Variants in ADGRL3 observed in about 807,000 individuals in gnomAD.
The protein encoded by ADGRL3 is adhesion G protein-coupled receptor L3.
In ADGRL3, 62 loss-of-function variants were observed where a neutral mutation model predicts 153.5. The ratio of observed to expected loss-of-function variants is 0.40; its 90% CI spans 0.33 to 0.50. The LOEUF is 0.50. Among genes scored for constraint, ADGRL3 ranks in the 20% least tolerant of loss-of-function variants. ADGRL3 has a pLI of 0.47. For missense variants in ADGRL3, 1,641 were observed against 1,859.4 expected (o/e 0.88, Z 2.16); for synonymous variants, 710 against 672.5 (o/e 1.06, Z -0.86).
intron 5 of ADGRL3, among the ~76,000 whole-genome samples, chr4:61,612,839 G>A (rs537856149): frequency 1.5e-4 from 23 of 152,222 alleles, no homozygotes; most frequent in Non-Finnish European, 2.2e-4. Context: ...AACCCATTGA[G>A]CATAAGATTG....
intron 9 of ADGRL3, among the ~76,000 whole-genome samples, chr4:61,873,158 G>A (rs776180418): frequency 8.5e-5 from 13 of 152,202 alleles, no homozygotes; most frequent in Non-Finnish European, 1.6e-4. Context: ...ATCAAATGGA[G>A]TGTCAATGAA....
At position 61,546,442 on chromosome 4, in the gene ADGRL3, G is replaced by A. The variant is rs148900229; in HGVS notation, c.259+28924G>A. Among the ~76,000 whole-genome samples the A allele has an allele frequency of 1.5e-3, 223 of 152,172 alleles. 1 individual carries two copies. Among genetic ancestry groups the A allele is most frequent in the African/African-American group, 5.1e-3 (211 of 41,520 alleles). On this transcript the variant is annotated intron_variant, in intron 4 of 26. Transcript: ENST00000683033. ...GTATAATCTTACAGTTAAATAGACT[G>A]CAATATAAGGAAATATAATAACTAC...
chr4:61,359,850 TTAAA>T (rs1465005483), intron 1 of ADGRL3, among the ~76,000 whole-genome samples: 3 of 152,204 alleles, frequency 2.0e-5, no homozygotes, highest in African/African-American at 7.2e-5. Flanking sequence ...GTTGAATTAA[TTAAA>T]TATTCATTGA....
intron 13 of ADGRL3, among the ~76,000 whole-genome samples, chr4:61,928,141 A>G (rs1159698759): frequency 6.6e-6 from 1 of 151,828 alleles, no homozygotes; most frequent in Non-Finnish European, 1.5e-5. Context: ...AAGTGGAAGT[A>G]GAGTAAAATA....
At chr4:61,508,510 A>T (rs895384551) in intron 3 of ADGRL3, among the ~76,000 whole-genome samples, 16 of 152,206 alleles carry the variant, frequency 1.1e-4, no homozygotes, top group African/African-American at 3.6e-4. Flanking sequence ...AGAGGTTTTT[A>T]AAAATTTTTT....
At chr4:61,527,951 C>G (rs926841532) in intron 4 of ADGRL3, among the ~76,000 whole-genome samples, 1 of 152,132 alleles carries the variant, frequency 6.6e-6, no homozygotes, top group Admixed American at 6.5e-5. Context: ...CGTTCTCTCA[C>G]CACCATGCCC....
intron 17 of ADGRL3, among the ~76,000 whole-genome samples, chr4:61,961,730 G>A (rs2098988554): frequency 6.6e-6 from 1 of 152,046 alleles, no homozygotes; most frequent in African/African-American, 2.4e-5. Context: ...TTGAGGAGGG[G>A]AATTGACACC....
chr4:61,257,384 C>T (rs1016232251), intron 1 of ADGRL3, among the ~76,000 whole-genome samples: 3 of 152,108 alleles, frequency 2.0e-5, no homozygotes, highest in Non-Finnish European at 4.4e-5. Context: ...AAAACAATAG[C>T]TTTAACATAA....
intron 6 of ADGRL3, among the ~76,000 whole-genome samples, chr4:61,687,757 TAATGGGATG>T (rs1490831645): frequency 1.3e-5 from 2 of 152,018 alleles, no homozygotes; most frequent in African/African-American, 4.8e-5. Flanking sequence ...CATGTTAGAT[TAATGGGATG>T]AATAAATGTA....
intron 1 of ADGRL3, among the ~76,000 whole-genome samples, chr4:61,332,708 T>G (rs1396517924): frequency 6.6e-6 from 1 of 152,152 alleles, no homozygotes; most frequent in Non-Finnish European, 1.5e-5. Context: ...ACAAGGATGT[T>G]TGCTGGTCAA....
rs1299182443 is a variant in ADGRL3, at chr4:61,456,410, T to TAG, written c.-173-40710_-173-40709insGA. The stretch of plus-strand genomic sequence containing the variant: ...ATATAGATATATCTATATCTATATA[T>TAG]ATATAGATATATCTATATCTATATA... On this transcript the variant is annotated intron_variant, in intron 2 of 26. Transcript: ENST00000683033. 2.0e-4 allele frequency among the ~76,000 whole-genome samples: 11 copies of TAG among 55,432 alleles called. 1 individual carries two copies. Among genetic ancestry groups the TAG allele is most frequent in the East Asian group, 7.7e-4 (1 of 1,292 alleles). The allele number at this position is 55,432 out of a possible 152,430, so 36.4% of individuals were successfully genotyped here.
Position 62,073,965 on chromosome 4 carries a change from TG to T in ADGRL3, c.*3058del, listed in dbSNP as rs1170085771. On this transcript the variant is annotated 3_prime_UTR_variant, in exon 27 of 27. Transcript: ENST00000683033. ...TTTTACATACATTTCAATAGAAATTTGCATATATCTAACATATTCATTTTGT... is the reference window on the plus strand; with the variant it reads ...TTTTACATACATTTCAATAGAAATTTCATATATCTAACATATTCATTTTGT... The T allele has an allele frequency of 6.6e-6, 1 of 152,178 alleles. No individual in the cohort carries two copies. Among genetic ancestry groups the T allele is most frequent in the African/African-American group, 2.4e-5 (1 of 41,452 alleles). The allele number at this position is 152,178 out of a possible 1,614,324, so 9.4% of individuals were successfully genotyped here. A position where few individuals can be genotyped will look rare whatever the true frequency, so the allele number is the denominator to read the frequency against.
chr4:61,816,856 T>A (rs1580973578), intron 9 of ADGRL3, among the ~76,000 whole-genome samples: 1 of 152,118 alleles, frequency 6.6e-6, no homozygotes. Context: ...GACCCAGCCA[T>A]CCCTGAGCTC....
intron 9 of ADGRL3, among the ~76,000 whole-genome samples, chr4:61,814,969 A>G (rs577545499): frequency 2.6e-5 from 4 of 152,042 alleles, no homozygotes; most frequent in Non-Finnish European, 5.9e-5. Context: ...TGTCATATTT[A>G]TTATTTTTCC....
At chr4:61,425,826 G>A (rs564409204) in intron 2 of ADGRL3, among the ~76,000 whole-genome samples, 6 of 152,326 alleles carry the variant, frequency 3.9e-5, no homozygotes, top group Non-Finnish European at 7.4e-5. Context: ...CCTCCCCCCT[G>A]GGGCTATGGT....
At chr4:61,662,819 G>C (rs2094647490) in intron 5 of ADGRL3, among the ~76,000 whole-genome samples, 1 of 152,166 alleles carries the variant, frequency 6.6e-6, no homozygotes, top group South Asian at 2.1e-4. Context: ...AGCCTGACTT[G>C]GGCAGACGAT....
chr4:61,921,746 A>G (rs2098770405), intron 13 of ADGRL3, among the ~76,000 whole-genome samples: 1 of 152,086 alleles, frequency 6.6e-6, no homozygotes, highest in Non-Finnish European at 1.5e-5. Flanking sequence ...GACTATTTTT[A>G]CTCATATCTA....
At chr4:61,875,326 A>C (rs936123552) in intron 9 of ADGRL3, among the ~76,000 whole-genome samples, 1 of 152,232 alleles carries the variant, frequency 6.6e-6, no homozygotes, top group Non-Finnish European at 1.5e-5. Context: ...TGCATTTAGA[A>C]TACATAATTA....
At chr4:62,001,541 A>G (rs992484185) in intron 21 of ADGRL3, among the ~76,000 whole-genome samples, 6 of 152,208 alleles carry the variant, frequency 3.9e-5, no homozygotes, top group Non-Finnish European at 7.3e-5. Flanking sequence ...TTTATTTAAA[A>G]TACATTATAT....
Sources: gnomAD v4.1 joint callset for allele counts (sites outside exome capture counted in the v4.1 genomes callset) on GRCh38, gnomAD v4.1.1 for gene constraint, MANE v1.5 for transcripts, NCBI Gene and HGNC (gene_info 2026-07-23, HGNC 2026-07-21) for gene names.